The following ZNF618 variants were observed in gnomAD, a reference collection of about 807,000 sequenced individuals.
The protein encoded by ZNF618 is zinc finger protein 618.
Under a neutral mutation model 103.0 loss-of-function variants are expected in ZNF618, and 34 were observed. That is an observed-to-expected ratio of 0.33 (90% CI 0.25 to 0.44). The LOEUF is 0.44. Ranked by LOEUF, ZNF618 falls within the 20% of genes least tolerant of loss-of-function variation. ZNF618 has a pLI of 1.00. For missense variants in ZNF618, 1,059 were observed against 1,295.4 expected (o/e 0.82, Z 2.80); for synonymous variants, 551 against 542.2 (o/e 1.02, Z -0.23).
intron 10 of ZNF618, among the ~76,000 whole-genome samples, chr9:114,020,166 C>G (rs986546182): frequency 5.9e-5 from 9 of 152,124 alleles, no homozygotes; most frequent in Non-Finnish European, 1.0e-4. Flanking sequence ...GTATTTTTCT[C>G]TTCCGTTGGC....
intron 2 of ZNF618, among the ~76,000 whole-genome samples, chr9:113,984,396 C>A (rs994256577): frequency 6.6e-6 from 1 of 152,206 alleles, no homozygotes; most frequent in Non-Finnish European, 1.5e-5. Flanking sequence ...CCCACCCCTG[C>A]AGCTAGCAAG....
At position 114,032,783 on chromosome 9, in the gene ZNF618, C is replaced by T; in HGVS notation, c.1168+55C>T. 5.3e-6 allele frequency: 8 copies of T among 1,509,448 alleles called. No individual in the cohort carries two copies. In the South Asian group the frequency reaches 7.9e-5, roughly 15 times the overall value. The allele number at this position is 1,509,448 out of a possible 1,614,324, so 93.5% of individuals were successfully genotyped here. ...GCGGTAGCTGCCAGCTTCGCCCGCT[C>T]CCCCCTGGCAGCCGCGGCAGCATCC... is the stretch of plus-strand genomic sequence containing the variant. On this transcript the variant is annotated intron_variant, in intron 12 of 14. Coordinates refer to ENST00000374126, the MANE Select transcript of ZNF618 (RefSeq NM_001318042.2).
intron 1 of ZNF618, among the ~76,000 whole-genome samples, chr9:113,964,409 A>G (rs1837162912): frequency 6.6e-6 from 1 of 152,196 alleles, no homozygotes; most frequent in Non-Finnish European, 1.5e-5. Flanking sequence ...TGTATAACAA[A>G]TGAATATATC....
chr9:113,955,626 T>G (rs557681324), intron 1 of ZNF618, among the ~76,000 whole-genome samples: 54 of 152,258 alleles, frequency 3.5e-4, no homozygotes, highest in Non-Finnish European at 7.3e-4. Context: ...TAGGAATTTG[T>G]AAGATTTCTA....
At chr9:113,952,800 A>C (rs1835899823) in intron 1 of ZNF618, among the ~76,000 whole-genome samples, 1 of 152,242 alleles carries the variant, frequency 6.6e-6, no homozygotes, top group South Asian at 2.1e-4. Context: ...CCTGACCCAC[A>C]TTCACATTCC....
rs1834890729 is a variant in ZNF618 at position 113,945,056 on chromosome 9, GA to G, written c.34-24059del. Among the ~76,000 whole-genome samples the G allele has an allele frequency of 4.6e-5, 7 of 152,266 alleles. No individual in the cohort carries two copies. In the South Asian group the frequency reaches 1.2e-3, roughly 27 times the overall value. On this transcript the variant is annotated intron_variant, in intron 1 of 14. Transcript: ENST00000374126. ...ATCAGCTCTCCATTCTCCTCAGGGT[GA>G]ATCTACCAGCCCAGTTCCCTTTCCA...
At chr9:113,898,776 G>T (rs777801151) in intron 1 of ZNF618, among the ~76,000 whole-genome samples, 1 of 152,192 alleles carries the variant, frequency 6.6e-6, no homozygotes, top group African/African-American at 2.4e-5. Context: ...GCAGCCCGGG[G>T]TTAATGAGGT....
intron 3 of ZNF618, among the ~76,000 whole-genome samples, chr9:113,993,029 A>G (rs1202140595): frequency 1.3e-5 from 2 of 152,238 alleles, no homozygotes; most frequent in Non-Finnish European, 2.9e-5. Flanking sequence ...CAGAGATGAT[A>G]GATACTAAAC....
chr9:113,889,335 CTCTCTCTCTCTT>C (rs1829383101), intron 1 of ZNF618, among the ~76,000 whole-genome samples: 1 of 150,720 alleles, frequency 6.6e-6, no homozygotes, highest in African/African-American at 2.4e-5. Flanking sequence ...CTCTCTCTCT[CTCTCTCTCTCTT>C]TCTCTCCCTC....
chr9:113,931,524 T>C (rs1384973188), intron 1 of ZNF618, among the ~76,000 whole-genome samples: 2 of 152,152 alleles, frequency 1.3e-5, no homozygotes, highest in Middle Eastern at 3.2e-3. Flanking sequence ...GGTTGGAATT[T>C]CATCTTGGGA....
At chr9:113,970,511 TATA>T (rs1837856493) in intron 2 of ZNF618, among the ~76,000 whole-genome samples, 1 of 152,104 alleles carries the variant, frequency 6.6e-6, no homozygotes, top group African/African-American at 2.4e-5. Flanking sequence ...ACTCTGCCAG[TATA>T]ATGCTGAAGT....
chr9:113,883,182 T>A lies in ZNF618; in HGVS notation c.33+6769T>A, dbSNP rs116875208. Among the ~76,000 whole-genome samples the A allele has an allele frequency of 8.5e-5, 13 of 152,344 alleles. No individual in the cohort carries two copies. The East Asian group carries it at 2.1e-3, about 25-fold the overall frequency. On this transcript the variant is annotated intron_variant, in intron 1 of 14. Coordinates refer to ENST00000374126, the MANE Select transcript of ZNF618 (RefSeq NM_001318042.2). ...TGGCCATTTGGTCAAAGCCAATGTT[T>A]TATTAGGGAGCCCGAGGCACATTTT...
chr9:113,877,413 G>C (rs1247509700), intron 1 of ZNF618, among the ~76,000 whole-genome samples: 3 of 152,074 alleles, frequency 2.0e-5, no homozygotes, highest in African/African-American at 7.2e-5. Context: ...GGCAAAAAAA[G>C]ACTAATTTCT....
chr9:113,884,533 T>G (rs540405208), intron 1 of ZNF618, among the ~76,000 whole-genome samples: 2 of 152,316 alleles, frequency 1.3e-5, no homozygotes, highest in East Asian at 3.9e-4. Context: ...GGTAAATAAG[T>G]AGCATACATG....
chr9:113,916,064 G>A (rs74444730), intron 1 of ZNF618, among the ~76,000 whole-genome samples: 8,411 of 123,372 alleles, frequency 0.068, 377 homozygotes, highest in African/African-American at 0.13. Flanking sequence ...TGAGACATGC[G>A]CGTGTGTCTG....
At chr9:114,025,386 T>C (rs1046703587) in intron 10 of ZNF618, among the ~76,000 whole-genome samples, 1 of 152,286 alleles carries the variant, frequency 6.6e-6, no homozygotes, top group Non-Finnish European at 1.5e-5. Flanking sequence ...CTTTGCTCCA[T>C]GCATTCTCTA....
intron 1 of ZNF618, among the ~76,000 whole-genome samples, chr9:113,951,439 A>G (rs57731477): frequency 8.8e-5 from 6 of 68,406 alleles, no homozygotes; most frequent in African/African-American, 3.1e-4. Context: ...GTGTATATAT[A>G]TACATATATG....
At chr9:113,938,317 G>A (rs536694211) in intron 1 of ZNF618, among the ~76,000 whole-genome samples, 1 of 149,516 alleles carries the variant, frequency 6.7e-6, no homozygotes, top group South Asian at 2.1e-4. Context: ...GGGGCTACAG[G>A]CACACATCAC....
At chr9:113,911,128 C>T (rs1831508360) in intron 1 of ZNF618, among the ~76,000 whole-genome samples, 1 of 152,140 alleles carries the variant, frequency 6.6e-6, no homozygotes, top group East Asian at 1.9e-4. Context: ...GCCACCGCGC[C>T]CGGCCTGAAA....
Sources: allele counts gnomAD v4.1 joint callset (sites outside exome capture counted in the v4.1 genomes callset), GRCh38; gene constraint gnomAD v4.1.1; transcripts MANE v1.5; gene names NCBI Gene and HGNC (gene_info 2026-07-23, HGNC 2026-07-21).